Variants in CBLB observed in about 807,000 individuals in gnomAD.
CBLB encodes the protein Cbl proto-oncogene B.
Under a neutral mutation model 104.9 loss-of-function variants are expected in CBLB, and 31 were observed. The observed-to-expected ratio is 0.30, with a 90% CI of 0.22 to 0.40. The LOEUF (loss-of-function observed/expected upper bound fraction) is 0.40, where lower values mean the gene tolerates loss of function less well. CBLB is among the 10% of genes least tolerant of loss of function. The probability of loss-of-function intolerance (pLI) is 1.00; values close to 1 mark genes in which losing one functional copy is unlikely to be tolerated. For missense variants in CBLB, 1,062 were observed against 1,214.6 expected (o/e 0.87, Z 1.87); for synonymous variants, 440 against 422.6 (o/e 1.04, Z -0.51).
intron 3 of CBLB, among the ~76,000 whole-genome samples, chr3:105,845,939 GCA>G (rs1448027497): frequency 6.6e-6 from 1 of 151,926 alleles, no homozygotes; most frequent in Non-Finnish European, 1.5e-5. Flanking sequence ...GCTTTCTAAA[GCA>G]AATTCTACTT....
At chr3:105,720,940 A>T (rs547642853) in intron 9 of CBLB, among the ~76,000 whole-genome samples, 282 of 152,328 alleles carry the variant, frequency 1.9e-3, no homozygotes, top group Admixed American at 4.6e-3. Flanking sequence ...TTGGGCTGGA[A>T]ATGTATTTAC....
chr3:105,767,724 T>C (rs1051488131), intron 4 of CBLB, among the ~76,000 whole-genome samples: 1 of 152,208 alleles, frequency 6.6e-6, no homozygotes, highest in Non-Finnish European at 1.5e-5. Context: ...GACACAGTTT[T>C]ATGTGCCTTA....
At chr3:105,767,401 A>C (rs904085930) in intron 4 of CBLB, among the ~76,000 whole-genome samples, 1 of 152,112 alleles carries the variant, frequency 6.6e-6, no homozygotes, top group Non-Finnish European at 1.5e-5. Flanking sequence ...AAACCAAAGA[A>C]GGCCCTTATT....
At chr3:105,671,981 A>C (rs1451086676) in intron 17 of CBLB, 1 of 191,370 alleles carries the variant, frequency 5.2e-6, no homozygotes, top group Non-Finnish European at 1.1e-5. Context: ...AAATATGGTG[A>C]TTTCAGCATA....
At chr3:105,786,116 G>A (rs1341359437) in intron 3 of CBLB, among the ~76,000 whole-genome samples, 4 of 148,318 alleles carry the variant, frequency 2.7e-5, no homozygotes, top group South Asian at 4.3e-4. Flanking sequence ...CAGGGTAATC[G>A]ATACTATGCT....
chr3:105,833,089 C>T (rs1447949288), intron 3 of CBLB, among the ~76,000 whole-genome samples: 1 of 152,040 alleles, frequency 6.6e-6, no homozygotes, highest in African/African-American at 2.4e-5. Flanking sequence ...AGAAGGAAGA[C>T]CTGAGGGAGA....
chr3:105,758,469 A>C (rs2077280737), intron 4 of CBLB, among the ~76,000 whole-genome samples: 1 of 152,210 alleles, frequency 6.6e-6, no homozygotes, highest in South Asian at 2.1e-4. Flanking sequence ...TCACTTTTCC[A>C]GCCAGAAACC....
chr3:105,777,940 T>G (rs1321692046), intron 3 of CBLB, among the ~76,000 whole-genome samples: 1 of 152,236 alleles, frequency 6.6e-6, no homozygotes, highest in Non-Finnish European at 1.5e-5. Context: ...TAAGAAGCAA[T>G]TAAAACACAA....
At chr3:105,809,489 C>T (rs1329272287) in intron 3 of CBLB, among the ~76,000 whole-genome samples, 1 of 152,078 alleles carries the variant, frequency 6.6e-6, no homozygotes, top group African/African-American at 2.4e-5. Flanking sequence ...ACAAACAGCA[C>T]CTTGAGACTT....
chr3:105,655,821 A>G lies in CBLB; in HGVS notation c.*3149T>C, dbSNP rs950051494. Reference sequence around the variant, plus strand: ...TAATTCAGTGCAAATCAAAGCTTCAAGTTGAAAATCTGAGAGAAAAAATAA... The same window carrying G: ...TAATTCAGTGCAAATCAAAGCTTCAGGTTGAAAATCTGAGAGAAAAAATAA... On this transcript the variant is annotated 3_prime_UTR_variant, in exon 19 of 19. Transcript: ENST00000394030. 1 of 216,506 alleles carries G rather than the reference A, an allele frequency of 4.6e-6. No homozygotes were observed. Among genetic ancestry groups the G allele is most frequent in the Non-Finnish European group, 9.3e-6 (1 of 107,314 alleles). The allele number at this position is 216,506 out of a possible 1,614,324, so 13.4% of individuals were successfully genotyped here.
intron 10 of CBLB, among the ~76,000 whole-genome samples, chr3:105,707,205 C>A (rs550497458): frequency 6.6e-6 from 1 of 152,134 alleles, no homozygotes; most frequent in Non-Finnish European, 1.5e-5. Flanking sequence ...GACGAGCAGG[C>A]TCTCTGAAGC....
rs151268538 is a variant in CBLB, at chr3:105,745,921, C to T, written c.841G>A (p.Gly281Arg). ...ATTACTGCTAAAAAGTCTTACCTTCCGGGTTTGGTGCTATATTTCTGTAGT... is the reference window on the plus strand; with the variant it reads ...ATTACTGCTAAAAAGTCTTACCTTCTGGGTTTGGTGCTATATTTCTGTAGT... Reference protein sequence around the residue: ...ARLQKYSTKPGSYIFRLSCTR... With the variant: ...ARLQKYSTKPRSYIFRLSCTR... The change falls in exon 6 of 19, where the codon GGA (glycine) becomes AGA (arginine). Residue 281 changes from glycine to arginine, a missense_variant. Transcript: ENST00000394030. 36 of 1,611,406 alleles carry T rather than the reference C, an allele frequency of 2.2e-5. No homozygotes were observed. Among genetic ancestry groups the T allele is most frequent in the Non-Finnish European group, 2.5e-5 (29 of 1,177,858 alleles).
chr3:105,867,719 G>A lies in CBLB; in HGVS notation c.-14-128C>T, dbSNP rs538525903. ...GATTAGAGCAAAACCAAAAGTTCCG[G>A]ATTCATCTTTATCAATAAGCTTGTG... On this transcript the variant is annotated intron_variant, in intron 1 of 18. Coordinates refer to ENST00000394030, the MANE Select transcript of CBLB (RefSeq NM_170662.5). 39 of 755,420 alleles carry A rather than the reference G, an allele frequency of 5.2e-5. No individual in the cohort carries two copies. The Admixed American group carries it at 6.7e-4, about 13-fold the overall frequency. The allele number at this position is 755,420 out of a possible 1,614,324, so 46.8% of individuals were successfully genotyped here. A position where few individuals can be genotyped will look rare whatever the true frequency, so the allele number is the denominator to read the frequency against.
intron 1 of CBLB, chr3:105,868,285 G>A: frequency 8.7e-7 from 1 of 1,151,776 alleles, no homozygotes; most frequent in Non-Finnish European, 1.1e-6. Context: ...ACGGAAAGGA[G>A]GAGTTCACTT....
intron 4 of CBLB, among the ~76,000 whole-genome samples, chr3:105,773,158 C>T (rs943640184): frequency 1.3e-5 from 2 of 152,012 alleles, no homozygotes; most frequent in East Asian, 1.9e-4. Flanking sequence ...GACCAACAAG[C>T]GGATAAAGAA....
At chr3:105,732,348 T>C (rs1394992743) in intron 9 of CBLB, among the ~76,000 whole-genome samples, 1 of 152,194 alleles carries the variant, frequency 6.6e-6, no homozygotes, top group Non-Finnish European at 1.5e-5. Context: ...GTAATTTAAA[T>C]AGGAATCAAG....
At chr3:105,678,339 A>G (rs2065895979) in intron 17 of CBLB, 92 bp downstream of exon 17, 1 of 1,249,490 alleles carries the variant, frequency 8.0e-7, no homozygotes, top group African/African-American at 1.5e-5. Context: ...AGGGAGGTAG[A>G]GACTAATGAA....
Position 105,702,190 on chromosome 3 carries a change from C to T in CBLB, c.1863G>A (p.Ala621=), listed in dbSNP as rs3772534. The T allele has an allele frequency of 0.029, 47,088 of 1,614,090 alleles. 1,175 individuals carry two copies. The highest frequency in any genetic ancestry group is 0.13 in the East Asian group (5,978 of 44,872). ...GEGSPKPGIT[A]SSNVNGRHSR... is the part of the protein sequence containing the mutation. Reference sequence around the variant, plus strand: ...TGTGCCTTCCATTGACATTTGAACTCGCTGTGATTCCAGGTTTTGGAGAGC... The same window carrying T: ...TGTGCCTTCCATTGACATTTGAACTTGCTGTGATTCCAGGTTTTGGAGAGC... The change falls in exon 12 of 19, where the codon GCG becomes GCA. Residue 621 remains alanine, a synonymous_variant. Transcript: ENST00000394030.
chr3:105,757,337 A>G (rs1419073400), intron 4 of CBLB, among the ~76,000 whole-genome samples: 1 of 152,108 alleles, frequency 6.6e-6, no homozygotes, highest in African/African-American at 2.4e-5. Context: ...CCATAAACAT[A>G]AAGAGAGGAA....
Sources: allele counts gnomAD v4.1 joint callset (sites outside exome capture counted in the v4.1 genomes callset), GRCh38; gene constraint gnomAD v4.1.1; transcripts MANE v1.5; gene names NCBI Gene and HGNC (gene_info 2026-07-23, HGNC 2026-07-21).